The following HEATR1 variants were observed in gnomAD, a reference collection of about 807,000 sequenced individuals.
The protein encoded by HEATR1 is HEAT repeat containing 1.
HEATR1 carries 77 observed loss-of-function variants against 248.2 expected under a neutral mutation model. The ratio of observed to expected loss-of-function variants is 0.31; its 90% CI spans 0.26 to 0.37. The LOEUF (loss-of-function observed/expected upper bound fraction) is 0.37, where lower values mean the gene tolerates loss of function less well. HEATR1 is among the 10% of genes least tolerant of loss of function. The probability of loss-of-function intolerance (pLI) is 1.00; values close to 1 mark genes in which losing one functional copy is unlikely to be tolerated. For missense variants in HEATR1, 2,420 were observed against 2,504.9 expected (o/e 0.97, Z 0.72); for synonymous variants, 897 against 923.1 (o/e 0.97, Z 0.51).
Position 236,571,950 on chromosome 1 carries a change from C to G in HEATR1, c.3708-264G>C, listed in dbSNP as rs1011889815. Among the ~76,000 whole-genome samples the G allele has an allele frequency of 5.3e-5, 8 of 152,080 alleles. No individual in the cohort carries two copies. In the South Asian group the frequency reaches 6.2e-4, roughly 12 times the overall value. ...GCCTATCTGGAATCTTACAGGACAA[C>G]CTTCAGAATTACTTTGCCTTTCACA... On this transcript the variant is annotated intron_variant, in intron 26 of 44. Transcript: ENST00000366582.
intron 9 of HEATR1, among the ~76,000 whole-genome samples, chr1:236,592,961 A>G (rs2758190): frequency 0.61 from 93,323 of 152,052 alleles, 30,408 homozygotes; most frequent in East Asian, 0.72. Flanking sequence ...TTGGGAGGCC[A>G]AGGTGGGCGG....
Position 236,556,141 on chromosome 1 carries a change from C to A in HEATR1, c.5473G>T (p.Ala1825Ser). Residue 1825 changes from alanine to serine, a missense_variant, in exon 38 of 45, where the codon GCC (alanine) becomes TCC (serine). Ala to Ser is a moderately conservative substitution (Grantham distance 99). Transcript: ENST00000366582. ...TTLAPRVLLP[A>S]IKKTYKQIEK... is the part of the protein sequence containing the mutation. Reference sequence around the variant, plus strand: ...ATCTGCTTGTAAGTTTTTTTGATGGCGGGCAACAGGACTCGGGGTGCAAGT... The same window carrying A: ...ATCTGCTTGTAAGTTTTTTTGATGGAGGGCAACAGGACTCGGGGTGCAAGT... The A allele has an allele frequency of 6.2e-7, 1 of 1,614,038 alleles. No homozygotes were observed. Among genetic ancestry groups the A allele is most frequent in the Non-Finnish European group, 8.5e-7 (1 of 1,180,030 alleles).
At chr1:236,552,386 A>C in intron 43 of HEATR1, 1 of 207,206 alleles carries the variant, frequency 4.8e-6, no homozygotes, top group Non-Finnish European at 9.6e-6. Flanking sequence ...CTTCCTTTAA[A>C]AAAAACCAAT....
At chr1:236,601,703 G>A (rs1447767955) in intron 3 of HEATR1, among the ~76,000 whole-genome samples, 1 of 152,140 alleles carries the variant, frequency 6.6e-6, no homozygotes, top group Non-Finnish European at 1.5e-5. Context: ...TGGGCATGGT[G>A]GTGCATGCCT....
chr1:236,557,208 C>T lies in HEATR1; in HGVS notation c.5342G>A (p.Gly1781Asp), dbSNP rs1172186171. ...ATCGTGGCTCACCTGGGAGAGAATG[C>T]CTTCCAGATAGGGGCTGATGAAGTG... is the stretch of plus-strand genomic sequence containing the variant. ...LPHFISPYLEGILSQVIHLEK... is the reference protein window; with the variant it reads ...LPHFISPYLEDILSQVIHLEK... The change falls in exon 37 of 45, where the codon GGC becomes GAC. Residue 1781 changes from glycine to aspartate, a missense_variant. Gly to Asp is a moderately conservative substitution (Grantham distance 94). Coordinates refer to ENST00000366582, the MANE Select transcript of HEATR1 (RefSeq NM_018072.6). 2.5e-6 allele frequency: 4 copies of T among 1,613,830 alleles called. No homozygotes were observed. The highest frequency in any genetic ancestry group is 2.5e-6 in the Non-Finnish European group (3 of 1,179,930).
At chr1:236,600,115 AACAT>A (rs1430848393) in intron 3 of HEATR1, among the ~76,000 whole-genome samples, 26 of 122,164 alleles carry the variant, frequency 2.1e-4, no homozygotes, top group African/African-American at 8.5e-4. Context: ...CTGGTCTGTC[AACAT>A]TTTTTTTTTT....
At position 236,561,290 on chromosome 1, in the gene HEATR1, G is replaced by C. The variant is rs370575789; in HGVS notation, c.4600-19C>G. On this transcript the variant is annotated intron_variant, in intron 32 of 44. Coordinates refer to ENST00000366582, the MANE Select transcript of HEATR1 (RefSeq NM_018072.6). ...CAACTACCTAATTTTTAAAGAAGACGTCATTAGAACGGTAGGGAAGTCAAT... is the reference window on the plus strand; with the variant it reads ...CAACTACCTAATTTTTAAAGAAGACCTCATTAGAACGGTAGGGAAGTCAAT... 10 of 1,599,858 alleles carry C rather than the reference G, an allele frequency of 6.3e-6. No homozygotes were observed. In the East Asian group the frequency reaches 2.2e-4, roughly 36 times the overall value.
At chr1:236,559,995 T>G (rs1035638638) in intron 33 of HEATR1, among the ~76,000 whole-genome samples, 158 bp from the exon 34 acceptor site, 2 of 152,222 alleles carry the variant, frequency 1.3e-5, no homozygotes, top group Admixed American at 1.3e-4. Flanking sequence ...AAATGAGGGA[T>G]TATTGCCATA....
At chr1:236,581,972 A>G (rs986462383) in intron 19 of HEATR1, among the ~76,000 whole-genome samples, 5 of 152,076 alleles carry the variant, frequency 3.3e-5, no homozygotes, top group Admixed American at 6.5e-5. Flanking sequence ...GTTTCTATTC[A>G]ACCTACCGAT....
In HEATR1 at chr1:236,604,035, A is replaced by G; in HGVS notation, c.61T>C (p.Leu21=). The change falls in exon 2 of 45, where the codon TTA becomes CTA. Residue 21 remains leucine, a synonymous_variant. Transcript: ENST00000366582. ...LALPQSDASL[L]SRDEVASLLF... ...AAAGAAGCAACTTCATCTCTAGATA[A>G]GAGGCTGGCATCACTTTGAGGGAGG... The G allele has an allele frequency of 1.3e-6, 2 of 1,593,678 alleles. No individual in the cohort carries two copies. The highest frequency in any genetic ancestry group is 1.7e-6 in the Non-Finnish European group (2 of 1,172,548).
At chr1:236,568,885 T>TAA (rs775657083) in intron 29 of HEATR1, 111 bp downstream of exon 29, 37,408 of 300,468 alleles carry the variant, frequency 0.12, 162 homozygotes, top group Non-Finnish European at 0.14. Context: ...TTGAGGATAT[T>TAA]AAAAAAAAAA....
chr1:236,576,370 G>C lies in HEATR1; in HGVS notation c.2933C>G (p.Ala978Gly). The C allele has an allele frequency of 6.3e-7, 1 of 1,577,218 alleles. No homozygotes were observed. Among genetic ancestry groups the C allele is most frequent in the Non-Finnish European group, 8.6e-7 (1 of 1,168,222 alleles). Residue 978 changes from alanine (A) to glycine (G), a missense_variant, in exon 22 of 45, where the codon GCT becomes GGT. Physicochemically the swap from Ala to Gly is moderately conservative, Grantham distance 60 (BLOSUM62 0). Transcript: ENST00000366582. ...TCTCTGTAGTTCCTCAAATAAAGTA[G>C]CCAAATCCTAAGATACCAAAAAGAA... ...SDAAYVIQDL[A>G]TLFEELQREK...
At position 236,581,460 on chromosome 1, in the gene HEATR1, A is replaced by G. The variant is rs1663737771; in HGVS notation, c.2563-46T>C. 2.9e-6 allele frequency: 4 copies of G among 1,356,030 alleles called. No homozygotes were observed. The East Asian group carries it at 9.6e-5, about 33-fold the overall frequency. 84.0% of individuals were successfully genotyped at this position (1,356,030 alleles called of 1,614,324 possible). A position where few individuals can be genotyped will look rare whatever the true frequency, so the allele number is the denominator to read the frequency against. Reference sequence around the variant, plus strand: ...GCAAACTTTTAATTCTTACTCAAATAAGCTGGTTCCAAATCCTCTTCTCAC... The same window carrying G: ...GCAAACTTTTAATTCTTACTCAAATGAGCTGGTTCCAAATCCTCTTCTCAC... On this transcript the variant is annotated intron_variant, in intron 19 of 44. Transcript: ENST00000366582.
rs549697437 is a variant in HEATR1, at chr1:236,586,339, T to C, written c.1829A>G (p.Asn610Ser). 6.8e-5 allele frequency: 109 copies of C among 1,612,806 alleles called. 3 individuals are homozygous for C. In the South Asian group the frequency reaches 1.2e-3, roughly 17 times the overall value. ...VVCLLPFMVINNDDTESAEMK... is the reference protein window; with the variant it reads ...VVCLLPFMVISNDDTESAEMK... ...CTCAGCAGATTCCGTATCATCATTA[T>C]TGATAACCATAAATGGCAGCAAACA... Residue 610 changes from asparagine to serine, a missense_variant, in exon 15 of 45, where the codon AAT becomes AGT. Coordinates refer to ENST00000366582, the MANE Select transcript of HEATR1 (RefSeq NM_018072.6).
chr1:236,581,908 T>C (rs1275096355), intron 19 of HEATR1, among the ~76,000 whole-genome samples: 1 of 152,218 alleles, frequency 6.6e-6, no homozygotes, highest in Non-Finnish European at 1.5e-5. Flanking sequence ...GGGCTGTTGT[T>C]ATTTTTAAAT....
intron 5 of HEATR1, among the ~76,000 whole-genome samples, chr1:236,597,353 A>G (rs905076332): frequency 1.6e-4 from 25 of 151,574 alleles, no homozygotes; most frequent in African/African-American, 5.6e-4. Context: ...CCCAGGTTCA[A>G]GCGATTTTCC....
intron 28 of HEATR1, among the ~76,000 whole-genome samples, chr1:236,570,661 T>C (rs1663402926): frequency 6.6e-6 from 1 of 152,194 alleles, no homozygotes; most frequent in Admixed American, 6.5e-5. Flanking sequence ...CTGAACTATA[T>C]TTCAATAAAA....
chr1:236,603,867 A>C, intron 2 of HEATR1, 87 bp downstream of exon 2: 1 of 1,342,438 alleles, frequency 7.4e-7, no homozygotes, highest in African/African-American at 1.7e-5. Flanking sequence ...GACGGGACAG[A>C]AGAGAAAACA....
chr1:236,597,035 C>A, intron 5 of HEATR1, 59 bp from the exon 6 acceptor site: 1 of 1,531,966 alleles, frequency 6.5e-7, no homozygotes, highest in South Asian at 1.2e-5. Flanking sequence ...AGAAGGATTG[C>A]TTGAGGCCAG....
Sources: gnomAD v4.1 joint callset for allele counts (sites outside exome capture counted in the v4.1 genomes callset) on GRCh38, gnomAD v4.1.1 for gene constraint, MANE v1.5 for transcripts, NCBI Gene and HGNC (gene_info 2026-07-23, HGNC 2026-07-21) for gene names.